Variants in KCNH7 observed in about 807,000 individuals in gnomAD.
The protein encoded by KCNH7 is potassium voltage-gated channel subfamily H member 7, also known as voltage-gated inwardly rectifying potassium channel KCNH7.
In KCNH7, 49 loss-of-function variants were observed where a neutral mutation model predicts 120.8. That is an observed-to-expected ratio of 0.41 (90% CI 0.32 to 0.51). The LOEUF (loss-of-function observed/expected upper bound fraction) is 0.51, where lower values mean the gene tolerates loss of function less well. KCNH7 is among the 20% of genes least tolerant of loss of function. The pLI is 0.38. For synonymous variants in KCNH7, 547 were observed against 516.1 expected (o/e 1.06, Z -0.81); for missense variants, 1,097 against 1,446.6 (o/e 0.76, Z 3.92).
chr2:162,610,324 AG>A (rs1215512165), intron 2 of KCNH7, among the ~76,000 whole-genome samples: 11 of 98,048 alleles, frequency 1.1e-4, no homozygotes, highest in Non-Finnish European at 1.8e-4. Context: ...CAGCTAAATG[AG>A]GATTTTTTTT....
intron 6 of KCNH7, among the ~76,000 whole-genome samples, chr2:162,491,176 G>T (rs6727171): frequency 0.077 from 11,675 of 152,270 alleles, 1,455 homozygotes; most frequent in African/African-American, 0.26. Context: ...TCCTCTGGTT[G>T]AGCCAAGAGG....
chr2:162,642,188 T>C (rs982415976), intron 2 of KCNH7, among the ~76,000 whole-genome samples: 11 of 152,196 alleles, frequency 7.2e-5, no homozygotes, highest in Admixed American at 4.6e-4. Context: ...GGCTTCTGTC[T>C]GGACTCTTAA....
rs186202933 is a variant in KCNH7 at position 162,584,592 on chromosome 2, G to T, written c.308-47512C>A. 3.1e-3 allele frequency among the ~76,000 whole-genome samples: 464 copies of T among 152,128 alleles called. 2 individuals carry two copies. Among genetic ancestry groups the T allele is most frequent in the African/African-American group, 0.011 (442 of 41,536 alleles). On this transcript the variant is annotated intron_variant, in intron 2 of 15. Coordinates refer to ENST00000332142, the MANE Select transcript of KCNH7 (RefSeq NM_033272.4). ...CCTAAAGCTATGGAAGGTTGGGGTG[G>T]AAGTATTTGAGAAGCTATGCCAGGG...
intron 2 of KCNH7, among the ~76,000 whole-genome samples, chr2:162,681,744 C>T (rs1685717152): frequency 6.6e-6 from 1 of 150,768 alleles, no homozygotes; most frequent in Admixed American, 6.6e-5. Context: ...TAGCTTGCAA[C>T]TAGTTGTAAG....
In KCNH7 at chr2:162,614,175, C is replaced by A. The variant is rs576295901; in HGVS notation, c.308-77095G>T. On this transcript the variant is annotated intron_variant, in intron 2 of 15. Coordinates refer to ENST00000332142, the MANE Select transcript of KCNH7 (RefSeq NM_033272.4). ...CTTAAGCTATCTATGGTTATAAAAA[C>A]CTTTTAAAGTGCCTAATCTACTACA... 1.5e-3 allele frequency among the ~76,000 whole-genome samples: 222 copies of A among 152,004 alleles called. 2 individuals are homozygous for A. In the South Asian group the frequency reaches 0.017, roughly 12 times the overall value.
intron 2 of KCNH7, among the ~76,000 whole-genome samples, chr2:162,757,718 A>G (rs1688835664): frequency 1.3e-5 from 2 of 152,174 alleles, no homozygotes; most frequent in South Asian, 4.1e-4. Flanking sequence ...GGAGTACATC[A>G]TATCAGACCT....
At chr2:162,815,877 C>T (rs1344154829) in intron 2 of KCNH7, among the ~76,000 whole-genome samples, 3 of 152,172 alleles carry the variant, frequency 2.0e-5, no homozygotes, top group East Asian at 3.9e-4. Context: ...ATCCATCTGA[C>T]CACATAAGTA....
chr2:162,566,227 A>T (rs919089989), intron 2 of KCNH7, among the ~76,000 whole-genome samples: 1 of 152,114 alleles, frequency 6.6e-6, no homozygotes, highest in Non-Finnish European at 1.5e-5. Flanking sequence ...ATCATCATTC[A>T]TGGAGTTTAC....
At chr2:162,395,729 A>T in intron 11 of KCNH7, among the ~76,000 whole-genome samples, 1 of 151,866 alleles carries the variant, frequency 6.6e-6, no homozygotes, top group South Asian at 2.1e-4. Context: ...AAAAAGAAAT[A>T]ATTATCTGAA....
intron 15 of KCNH7, 135 bp from the exon 16 acceptor site, chr2:162,372,230 C>T (rs1685976923): frequency 4.2e-6 from 3 of 717,042 alleles, no homozygotes; most frequent in Admixed American, 2.9e-5. Context: ...CCAACATTTC[C>T]CTCCTAAAAT....
At chr2:162,630,236 C>T (rs1018788740) in intron 2 of KCNH7, among the ~76,000 whole-genome samples, 2 of 152,112 alleles carry the variant, frequency 1.3e-5, no homozygotes, top group African/African-American at 4.8e-5. Flanking sequence ...CAAAGTCCTA[C>T]AAATAGATAA....
Position 162,446,479 on chromosome 2 carries a change from T to C in KCNH7, c.1129-36A>G, listed in dbSNP as rs778468572. On this transcript the variant is annotated intron_variant, in intron 6 of 15. Transcript: ENST00000332142. ...AAAAGAAAATCATACACTACATAAA[T>C]ATGCCATTTTTAATCTGGTAAACCT... 13 of 1,476,426 alleles carry C rather than the reference T, an allele frequency of 8.8e-6. No homozygotes were observed. In the South Asian group the frequency reaches 1.7e-4, roughly 19 times the overall value. The allele number at this position is 1,476,426 out of a possible 1,614,324, so 91.5% of individuals were successfully genotyped here.
chr2:162,472,111 G>T (rs1363976248), intron 6 of KCNH7, among the ~76,000 whole-genome samples: 2 of 152,146 alleles, frequency 1.3e-5, no homozygotes, highest in Admixed American at 6.5e-5. Flanking sequence ...AGACTTAAAT[G>T]TTAGACCTAA....
At chr2:162,802,120 T>C (rs1459306691) in intron 2 of KCNH7, among the ~76,000 whole-genome samples, 1 of 151,760 alleles carries the variant, frequency 6.6e-6, no homozygotes, top group African/African-American at 2.4e-5. Context: ...AATTTGCATT[T>C]GTAGTAAGTT....
chr2:162,571,256 C>G (rs1403739830), intron 2 of KCNH7, among the ~76,000 whole-genome samples: 2 of 152,086 alleles, frequency 1.3e-5, no homozygotes, highest in African/African-American at 4.8e-5. Context: ...CAACAACAGA[C>G]AAACAGAGAG....
intron 6 of KCNH7, among the ~76,000 whole-genome samples, chr2:162,482,625 T>C (rs1236404369): frequency 1.3e-5 from 2 of 152,214 alleles, no homozygotes; most frequent in Non-Finnish European, 2.9e-5. Context: ...TTAAGTTTAC[T>C]GGTTGAACCA....
At chr2:162,388,575 T>A (rs1479753991) in intron 12 of KCNH7, among the ~76,000 whole-genome samples, 1 of 151,882 alleles carries the variant, frequency 6.6e-6, no homozygotes. Flanking sequence ...AACAAAAAGC[T>A]AATCATTGTT....
rs1185476425 is a variant in KCNH7, at chr2:162,460,645, C to T, written c.1129-14202G>A. 3.9e-5 allele frequency among the ~76,000 whole-genome samples: 6 copies of T among 152,250 alleles called. No homozygotes were observed. In the East Asian group the frequency reaches 1.2e-3, roughly 29 times the overall value. On this transcript the variant is annotated intron_variant, in intron 6 of 15. Coordinates refer to ENST00000332142, the MANE Select transcript of KCNH7 (RefSeq NM_033272.4). The stretch of plus-strand genomic sequence containing the variant: ...CAGAGACCATCATAAAACACATTCT[C>T]CCCTAGAACCTTCAGAGAGACCGTA...
In KCNH7 at chr2:162,415,073, C is replaced by T. The variant is rs1001817105; in HGVS notation, c.2154+8263G>A. Among the ~76,000 whole-genome samples the T allele has an allele frequency of 2.6e-5, 4 of 151,896 alleles. No homozygotes were observed. In the South Asian group the frequency reaches 6.2e-4, roughly 24 times the overall value. On this transcript the variant is annotated intron_variant, in intron 9 of 15. Transcript: ENST00000332142. ...ATGTATAGCTAATCACTAACCAATG[C>T]TATTTCTGTAAACCAATGAGAGTTC...
Sources: allele counts gnomAD v4.1 joint callset (sites outside exome capture counted in the v4.1 genomes callset), GRCh38; gene constraint gnomAD v4.1.1; transcripts MANE v1.5; gene names NCBI Gene and HGNC (gene_info 2026-07-23, HGNC 2026-07-21).